Variants in CSGALNACT1 observed in about 807,000 individuals in gnomAD.
CSGALNACT1 encodes the protein beta4GalNAcT-1.
CSGALNACT1 carries 52 observed loss-of-function variants against 51.0 expected under a neutral mutation model. That is an observed-to-expected ratio of 1.02 (90% CI 0.82 to 1.29). The LOEUF (loss-of-function observed/expected upper bound fraction) is 1.29, where lower values mean the gene tolerates loss of function less well. CSGALNACT1 is among the 50% of genes most tolerant of loss of function. The pLI is 0.00. For synonymous variants in CSGALNACT1, 341 were observed against 254.4 expected (o/e 1.34, Z -3.24); for missense variants, 935 against 679.2 (o/e 1.38, Z -4.19).
chr8:19,740,506 T>G (rs2064245861), intron 1 of CSGALNACT1, among the ~76,000 whole-genome samples: 1 of 152,242 alleles, frequency 6.6e-6, no homozygotes, highest in Admixed American at 6.5e-5. Flanking sequence ...TTTTACTGTA[T>G]CTTCAGAGTG....
At chr8:19,605,911 C>T (rs2051303888), upstream of CSGALNACT1, among the ~76,000 whole-genome samples, 1 of 152,160 alleles carries the variant, frequency 6.6e-6, no homozygotes, top group Non-Finnish European at 1.5e-5. Context: ...AGGAATTCAT[C>T]CTATTTAATG....
At chr8:19,663,410 A>G (rs1276093916) in intron 1 of CSGALNACT1, among the ~76,000 whole-genome samples, 1 of 152,216 alleles carries the variant, frequency 6.6e-6, no homozygotes, top group African/African-American at 2.4e-5. Flanking sequence ...ATCACTCACT[A>G]CAAGTAAATA....
Position 19,597,953 on chromosome 8 carries a change from C to G in CSGALNACT1, c.-416+3818G>C, listed in dbSNP as rs1463618696. Reference sequence around the variant, plus strand: ...AAATAAGGCAATAGAGAGAGGCACACAATGGCCCAGCCCCATCCCAGCCTG... The same window carrying G: ...AAATAAGGCAATAGAGAGAGGCACAGAATGGCCCAGCCCCATCCCAGCCTG... On this transcript the variant is annotated intron_variant, in intron 2 of 9. Transcript: ENST00000454498. Among the ~76,000 whole-genome samples the G allele has an allele frequency of 2.6e-5, 4 of 152,206 alleles. No homozygotes were observed. The East Asian group carries it at 7.7e-4, about 29-fold the overall frequency.
In CSGALNACT1 at chr8:19,757,031, C is replaced by G. The variant is rs2065439098; in HGVS notation, c.-297+819G>C. ...CGGGCAGCGGCGGAGGGAGGCCAGGCGCGGCACCGTCCTCCGCAGCTGCAC... is the reference window on the plus strand; with the variant it reads ...CGGGCAGCGGCGGAGGGAGGCCAGGGGCGGCACCGTCCTCCGCAGCTGCAC... On this transcript the variant is annotated intron_variant, in intron 1 of 1. Transcript: ENST00000517494. This position sits in a 1 kb window ranked among gnomAD's most constrained non-coding sequence, Gnocchi z 4.0. Among the ~76,000 whole-genome samples, 1 of 150,856 alleles carries G rather than the reference C, an allele frequency of 6.6e-6. No individual in the cohort carries two copies. The highest frequency in any genetic ancestry group is 2.1e-4 in the South Asian group (1 of 4,826).
At chr8:19,586,577 T>C (rs2046707305) in intron 3 of CSGALNACT1, among the ~76,000 whole-genome samples, 1 of 152,038 alleles carries the variant, frequency 6.6e-6, no homozygotes, top group Non-Finnish European at 1.5e-5. Context: ...TGAGCATCTG[T>C]AGATTTTTTT....
At chr8:19,545,707 C>T in intron 3 of CSGALNACT1, among the ~76,000 whole-genome samples, 1 of 151,642 alleles carries the variant, frequency 6.6e-6, no homozygotes, top group East Asian at 1.9e-4. Flanking sequence ...ATAACTTTTC[C>T]TCCCAAGTCT....
At chr8:19,551,075 G>C (rs2087931659) in intron 3 of CSGALNACT1, among the ~76,000 whole-genome samples, 1 of 152,164 alleles carries the variant, frequency 6.6e-6, no homozygotes, top group Non-Finnish European at 1.5e-5. Context: ...CCACGCCCCA[G>C]GGTTAGAAAA....
At chr8:19,602,566 C>T (rs2050688587), upstream of CSGALNACT1, 1 of 152,172 alleles carries the variant, frequency 6.6e-6, no homozygotes, top group South Asian at 2.1e-4. Flanking sequence ...TCCCAGGGAA[C>T]ACGACACCCA....
intron 1 of CSGALNACT1, among the ~76,000 whole-genome samples, chr8:19,718,902 C>T (rs1182031798): frequency 1.3e-5 from 2 of 152,208 alleles, no homozygotes; most frequent in Non-Finnish European, 2.9e-5. Flanking sequence ...CCCCATCATG[C>T]TAAGATGTCC....
At chr8:19,603,986 T>C (rs371968954), upstream of CSGALNACT1, among the ~76,000 whole-genome samples, 21 of 152,306 alleles carry the variant, frequency 1.4e-4, no homozygotes, top group African/African-American at 5.1e-4. Flanking sequence ...GTACTAGCAA[T>C]ACCAAACTGC....
At chr8:19,683,307 C>A (rs1016226355), upstream of CSGALNACT1, 13 of 152,168 alleles carry the variant, frequency 8.5e-5, no homozygotes, top group African/African-American at 2.7e-4. Flanking sequence ...TCGCCACCTC[C>A]CACAGCCTGG....
At chr8:19,692,148 C>G (rs960621871) in intron 1 of CSGALNACT1, among the ~76,000 whole-genome samples, 8 of 152,182 alleles carry the variant, frequency 5.3e-5, no homozygotes, top group African/African-American at 1.4e-4. Context: ...GAACCGCCCC[C>G]ATGATCCAAT....
At chr8:19,479,970 G>C (rs1365994514) in intron 4 of CSGALNACT1, among the ~76,000 whole-genome samples, 1 of 152,136 alleles carries the variant, frequency 6.6e-6, no homozygotes, top group Non-Finnish European at 1.5e-5. Context: ...CCTCTTTGTA[G>C]AGTACAGAAC....
chr8:19,628,775 G>A (rs770007198), intron 1 of CSGALNACT1, among the ~76,000 whole-genome samples: 7 of 151,650 alleles, frequency 4.6e-5, no homozygotes, highest in African/African-American at 7.3e-5. Flanking sequence ...CCACTGTACC[G>A]AATTCCAATA....
At chr8:19,609,012 G>C (rs1021236840) in intron 1 of CSGALNACT1, among the ~76,000 whole-genome samples, 15 of 151,940 alleles carry the variant, frequency 9.9e-5, no homozygotes, top group Admixed American at 2.0e-4. Context: ...TTTATTTTGT[G>C]TTATGCTCCA....
At chr8:19,603,809 T>C (rs960888558), upstream of CSGALNACT1, among the ~76,000 whole-genome samples, 1 of 152,140 alleles carries the variant, frequency 6.6e-6, no homozygotes, top group Non-Finnish European at 1.5e-5. Context: ...ATCTACATAA[T>C]CCAAAACCAC....
At chr8:19,594,655 TG>T (rs2048509517) in intron 2 of CSGALNACT1, among the ~76,000 whole-genome samples, 1 of 151,882 alleles carries the variant, frequency 6.6e-6, no homozygotes, top group African/African-American at 2.4e-5. Flanking sequence ...GCGATTCTCC[TG>T]CCTCAGCTTC....
rs138726327 is a variant in CSGALNACT1 at position 19,725,075 on chromosome 8, T to C, written c.-297+32775A>G. ...CCTCCATCTACTCATCTCTAACTAT[T>C]GCTGTTTAACCTGATGCAGGGTTCA... On this transcript the variant is annotated intron_variant, in intron 1 of 1. Transcript: ENST00000517494. 9.9e-3 allele frequency among the ~76,000 whole-genome samples: 1,503 copies of C among 152,286 alleles called. 16 individuals carry two copies. Among genetic ancestry groups the C allele is most frequent in the African/African-American group, 0.035 (1,439 of 41,560 alleles).
intron 5 of CSGALNACT1, among the ~76,000 whole-genome samples, chr8:19,444,884 A>G (rs745571763): frequency 1.4e-4 from 21 of 152,184 alleles, no homozygotes; most frequent in Non-Finnish European, 2.6e-4. Context: ...GGAGGGATAA[A>G]GTTTAGAAAG....
Sources: gnomAD v4.1 joint callset for allele counts (sites outside exome capture counted in the v4.1 genomes callset) on GRCh38, gnomAD v4.1.1 for gene constraint, Gnocchi (gnomAD v3.1) non-coding constraint, MANE v1.5 for transcripts, NCBI Gene and HGNC (gene_info 2026-07-23, HGNC 2026-07-21) for gene names.